Variants in TENM3 observed in about 807,000 individuals in gnomAD.
TENM3 encodes the protein teneurin-3.
TENM3 carries 63 observed loss-of-function variants against 255.1 expected under a neutral mutation model. The observed-to-expected ratio is 0.25, with a 90% CI of 0.20 to 0.30. The LOEUF is 0.30. Among genes scored for constraint, TENM3 ranks in the 10% least tolerant of loss-of-function variants. TENM3 has a pLI of 1.00. For missense variants in TENM3, 2,929 were observed against 3,461.1 expected (o/e 0.85, Z 3.86); for synonymous variants, 1,306 against 1,322.3 (o/e 0.99, Z 0.27).
intron 3 of TENM3, among the ~76,000 whole-genome samples, chr4:182,552,084 T>C (rs1742097412): frequency 6.6e-6 from 1 of 151,858 alleles, no homozygotes; most frequent in Admixed American, 6.6e-5. Context: ...AGACTGTTCA[T>C]CAGCTTGGGG....
the TENM3 span, among the ~76,000 whole-genome samples, chr4:181,789,520 G>C: frequency 1.3e-5 from 2 of 151,988 alleles, no homozygotes; most frequent in East Asian, 3.9e-4. Context: ...GCCTCCCAAA[G>C]TGCTGTGATT....
intron 1 of TENM3, among the ~76,000 whole-genome samples, chr4:182,248,616 G>A (rs958037459): frequency 2.6e-5 from 4 of 152,150 alleles, no homozygotes; most frequent in Non-Finnish European, 5.9e-5. Context: ...TGGAACTGGC[G>A]GAGATTCAGT....
the TENM3 span, among the ~76,000 whole-genome samples, chr4:181,937,630 C>T: frequency 2.2e-4 from 33 of 152,278 alleles, no homozygotes; most frequent in African/African-American, 7.9e-4. Context: ...TCCTTCTAAG[C>T]CTATTTCTTT....
the TENM3 span, among the ~76,000 whole-genome samples, chr4:181,655,747 C>A: frequency 6.6e-6 from 1 of 151,822 alleles, no homozygotes; most frequent in East Asian, 1.9e-4. Flanking sequence ...AAAATGCACA[C>A]CAAAAAGAAG....
At chr4:181,474,607 C>T in the TENM3 span, among the ~76,000 whole-genome samples, 10 of 151,860 alleles carry the variant, frequency 6.6e-5, no homozygotes, top group East Asian at 7.8e-4. Context: ...TGGTGGCGGG[C>T]GCCTGTAATC....
chr4:181,501,600 G>A, the TENM3 span, among the ~76,000 whole-genome samples: 2 of 151,910 alleles, frequency 1.3e-5, no homozygotes, highest in East Asian at 1.9e-4. Flanking sequence ...GGCTGCTCTC[G>A]AATTCCTGGC....
the TENM3 span, among the ~76,000 whole-genome samples, chr4:181,735,460 T>G: frequency 1.3e-5 from 2 of 152,238 alleles, no homozygotes; most frequent in African/African-American, 4.8e-5. Flanking sequence ...AGTTTTAAAA[T>G]ATATAAACTT....
intron 22 of TENM3, among the ~76,000 whole-genome samples, chr4:182,772,039 C>T (rs761084769): frequency 6.6e-5 from 10 of 152,140 alleles, no homozygotes; most frequent in African/African-American, 1.2e-4. Context: ...AGCTCATCAC[C>T]GGGCACGGAA....
At chr4:182,419,404 G>A (rs997874764) in intron 3 of TENM3, among the ~76,000 whole-genome samples, 23 of 152,264 alleles carry the variant, frequency 1.5e-4, no homozygotes, top group Admixed American at 4.6e-4. Context: ...AAATAGGAAC[G>A]CTTTTACACT....
At chr4:182,369,204 G>T (rs1266555235) in intron 3 of TENM3, among the ~76,000 whole-genome samples, 1 of 152,206 alleles carries the variant, frequency 6.6e-6, no homozygotes, top group Non-Finnish European at 1.5e-5. Context: ...GGCAGAGATA[G>T]ATATTTGGAC....
At chr4:182,589,666 G>C (rs1746398151) in intron 3 of TENM3, among the ~76,000 whole-genome samples, 1 of 151,984 alleles carries the variant, frequency 6.6e-6, no homozygotes, top group South Asian at 2.1e-4. Flanking sequence ...TGGTTTGAGA[G>C]TATATTCTTT....
At chr4:181,663,911 C>G in the TENM3 span, among the ~76,000 whole-genome samples, 1 of 152,292 alleles carries the variant, frequency 6.6e-6, no homozygotes, top group South Asian at 2.1e-4. Flanking sequence ...GCAGATGATT[C>G]CAGTGTTTTC....
chr4:182,157,050 G>T (rs1045745174), intron 1 of TENM3, among the ~76,000 whole-genome samples: 1 of 152,212 alleles, frequency 6.6e-6, no homozygotes. Context: ...AAATGCCAGA[G>T]AACTGAAGGG....
chr4:181,767,659 C>A, the TENM3 span, among the ~76,000 whole-genome samples: 2 of 151,514 alleles, frequency 1.3e-5, no homozygotes, highest in Non-Finnish European at 2.9e-5. Flanking sequence ...AGGAAGGGAC[C>A]CAATCATTTA....
At chr4:182,152,073 C>G (rs1750392515) in intron 1 of TENM3, among the ~76,000 whole-genome samples, 1 of 151,846 alleles carries the variant, frequency 6.6e-6, no homozygotes, top group Admixed American at 6.6e-5. Flanking sequence ...CTAATACTTC[C>G]AGAAAATTCC....
At position 182,796,767 on chromosome 4, in the gene TENM3, G is replaced by A. The variant is rs750809999; in HGVS notation, c.7344G>A (p.Pro2448=). 39 of 1,601,724 alleles carry A rather than the reference G, an allele frequency of 2.4e-5. No homozygotes were observed. Among genetic ancestry groups the A allele is most frequent in the Non-Finnish European group, 3.2e-5 (37 of 1,173,778 alleles). ...LVKSQQWDDI[P]PIFGVQQQVA... ...AGAGTCAGCAGTGGGATGATATACC[G>A]GTAAGAAACAAAAAGACCTACGGAA... Residue 2448 remains proline (P), a splice_region_variant and synonymous_variant, in exon 27 of 28, where the codon CCG becomes CCA. Coordinates refer to ENST00000511685, the MANE Select transcript of TENM3 (RefSeq NM_001080477.4).
At chr4:182,581,327 T>G (rs1323912258) in intron 3 of TENM3, among the ~76,000 whole-genome samples, 1 of 152,222 alleles carries the variant, frequency 6.6e-6, no homozygotes, top group African/African-American at 2.4e-5. Context: ...CATTGACTTT[T>G]AATAATGCTG....
chr4:182,434,461 G>A (rs1171017667), intron 3 of TENM3, among the ~76,000 whole-genome samples: 3 of 152,018 alleles, frequency 2.0e-5, no homozygotes, highest in South Asian at 2.1e-4. Flanking sequence ...TCAGGAGTTC[G>A]AGAAAAGCCT....
At chr4:182,511,151 C>A (rs1479254121) in intron 3 of TENM3, among the ~76,000 whole-genome samples, 2 of 152,096 alleles carry the variant, frequency 1.3e-5, no homozygotes, top group African/African-American at 4.8e-5. Flanking sequence ...GAGTTTTTGC[C>A]CCTTACCCAG....
Sources: gnomAD v4.1 joint callset for allele counts (sites outside exome capture counted in the v4.1 genomes callset) on GRCh38, gnomAD v4.1.1 for gene constraint, MANE v1.5 for transcripts, NCBI Gene and HGNC (gene_info 2026-07-23, HGNC 2026-07-21) for gene names.